Variants in DOCK4 observed in about 807,000 individuals in gnomAD.
DOCK4 encodes the protein dedicator of cytokinesis protein 4.
DOCK4 carries 97 observed loss-of-function variants against 268.1 expected under a neutral mutation model. That is an observed-to-expected ratio of 0.36 (90% CI 0.31 to 0.43). The LOEUF (loss-of-function observed/expected upper bound fraction) is 0.43. DOCK4 is among the 20% of genes least tolerant of loss of function. DOCK4 has a pLI of 1.00. For synonymous variants in DOCK4, 954 were observed against 887.2 expected, an observed-to-expected ratio of 1.08 and a Z score of -1.34; for missense variants, 2,145 against 2,455.7, an observed-to-expected ratio of 0.87 and a Z score of 2.67.
intron 36 of DOCK4, among the ~76,000 whole-genome samples, chr7:111,772,419 C>A (rs996213732): frequency 6.6e-6 from 1 of 151,784 alleles, no homozygotes; most frequent in Non-Finnish European, 1.5e-5. Flanking sequence ...AATGGTAGCA[C>A]GACAATGTGA....
At chr7:112,024,919 T>C (rs1000666009) in intron 1 of DOCK4, among the ~76,000 whole-genome samples, 2 of 152,190 alleles carry the variant, frequency 1.3e-5, no homozygotes, top group African/African-American at 4.8e-5. Context: ...CCTTTTATAT[T>C]CTAAGCTACA....
intron 1 of DOCK4, among the ~76,000 whole-genome samples, chr7:112,205,774 C>T (rs777811906): frequency 7.0e-6 from 1 of 143,484 alleles, no homozygotes; most frequent in Non-Finnish European, 1.5e-5. Flanking sequence ...TCCAACTTGA[C>T]ACACACACAC....
At chr7:112,035,738 T>G (rs1803694224) in intron 1 of DOCK4, among the ~76,000 whole-genome samples, 1 of 151,964 alleles carries the variant, frequency 6.6e-6, no homozygotes, top group South Asian at 2.1e-4. Flanking sequence ...CACAGAAGTG[T>G]TCATATTAAA....
At chr7:111,998,907 A>T (rs1445853992) in intron 3 of DOCK4, among the ~76,000 whole-genome samples, 1 of 152,070 alleles carries the variant, frequency 6.6e-6, no homozygotes, top group African/African-American at 2.4e-5. Flanking sequence ...TCCCCAAAAC[A>T]TTCATATTTC....
In DOCK4 at chr7:111,728,240, C is replaced by CAAAG. The variant is rs750597108; in HGVS notation, c.*30_*33dup. 3 of 1,422,988 alleles carry CAAAG rather than the reference C, an allele frequency of 2.1e-6. No homozygotes were observed. In the South Asian group the frequency reaches 5.3e-5, roughly 25 times the overall value. 88.1% of individuals were successfully genotyped at this position (1,422,988 alleles called of 1,614,324 possible). ...TCATACTTCTTATTTTGTAAACGGG[C>CAAAG]AAAGAATGCATCGCAGGTACATAGA... On this transcript the variant is annotated 3_prime_UTR_variant, in exon 53 of 53. Transcript: ENST00000428084.
At chr7:112,097,453 T>C (rs921091602) in intron 1 of DOCK4, among the ~76,000 whole-genome samples, 1 of 151,892 alleles carries the variant, frequency 6.6e-6, no homozygotes, top group African/African-American at 2.4e-5. Context: ...TGTGCACCTG[T>C]GCTACCAGCT....
At chr7:112,173,583 T>A (rs1330518697) in intron 1 of DOCK4, among the ~76,000 whole-genome samples, 1 of 152,136 alleles carries the variant, frequency 6.6e-6, no homozygotes, top group Non-Finnish European at 1.5e-5. Context: ...TGGGATCTAA[T>A]GTGGCTTTCC....
intron 1 of DOCK4, among the ~76,000 whole-genome samples, chr7:112,032,272 A>C (rs937585476): frequency 1.3e-5 from 2 of 152,232 alleles, no homozygotes; most frequent in African/African-American, 4.8e-5. Context: ...CAAACACAGA[A>C]ACTAAAAAAG....
At chr7:111,764,811 T>G (rs1043435718) in intron 39 of DOCK4, among the ~76,000 whole-genome samples, 10 of 151,920 alleles carry the variant, frequency 6.6e-5, no homozygotes, top group Admixed American at 5.9e-4. Context: ...GCCCCACCAT[T>G]TTTTTTCTAA....
chr7:112,060,493 C>T (rs940613360), intron 1 of DOCK4, among the ~76,000 whole-genome samples: 1 of 152,134 alleles, frequency 6.6e-6, no homozygotes, highest in Non-Finnish European at 1.5e-5. Flanking sequence ...AATTGAAAAT[C>T]GGGTCTCAAA....
intron 42 of DOCK4, among the ~76,000 whole-genome samples, chr7:111,747,839 C>G (rs978298976): frequency 1.3e-5 from 2 of 151,934 alleles, no homozygotes; most frequent in Non-Finnish European, 2.9e-5. Flanking sequence ...TACAAAGCAC[C>G]ATGGGAGATA....
At chr7:111,880,767 C>T (rs993199540) in intron 16 of DOCK4, among the ~76,000 whole-genome samples, 2 of 152,140 alleles carry the variant, frequency 1.3e-5, no homozygotes, top group African/African-American at 2.4e-5. Context: ...AGAAACAAAT[C>T]CACACACCTC....
intron 1 of DOCK4, among the ~76,000 whole-genome samples, chr7:112,058,466 A>C (rs1219827999): frequency 6.6e-6 from 1 of 152,220 alleles, no homozygotes; most frequent in Admixed American, 6.5e-5. Context: ...GTTTGATGAG[A>C]ATCTCTGATA....
intron 1 of DOCK4, among the ~76,000 whole-genome samples, chr7:112,044,896 ACT>A (rs1804703965): frequency 6.6e-6 from 1 of 151,722 alleles, no homozygotes; most frequent in African/African-American, 2.4e-5. Context: ...ACAGTTTCTA[ACT>A]CTTCCCAGCC....
chr7:111,912,783 C>T (rs180920888), intron 13 of DOCK4, among the ~76,000 whole-genome samples: 1 of 152,184 alleles, frequency 6.6e-6, no homozygotes, highest in East Asian at 1.9e-4. Flanking sequence ...CTGGTCATAG[C>T]CCTGTGTTCC....
intron 13 of DOCK4, among the ~76,000 whole-genome samples, chr7:111,911,501 C>T (rs898083409): frequency 6.6e-6 from 1 of 152,112 alleles, no homozygotes; most frequent in Non-Finnish European, 1.5e-5. Flanking sequence ...GAAGGAAGTG[C>T]TTTTAAAAAA....
In DOCK4 at chr7:111,988,527, T is replaced by C. The variant is rs144137873; in HGVS notation, c.464+488A>G. Among the ~76,000 whole-genome samples, 450 of 152,322 alleles carry C rather than the reference T, an allele frequency of 3.0e-3. 1 individual carries two copies. The highest frequency in any genetic ancestry group is 0.01 in the African/African-American group (428 of 41,562). On this transcript the variant is annotated intron_variant, in intron 6 of 52. Transcript: ENST00000428084. ...CTCCTCAAAGTAGCTAATGTGTATG[T>C]ACAGGACTAATCACAGCAATAATAA... is the stretch of plus-strand genomic sequence containing the variant.
At chr7:112,201,703 G>C in intron 1 of DOCK4, among the ~76,000 whole-genome samples, 1 of 152,158 alleles carries the variant, frequency 6.6e-6, no homozygotes. Flanking sequence ...GGACATGCAG[G>C]AGGTAGAGGT....
At chr7:111,823,358 C>T (rs1167612421) in intron 26 of DOCK4, among the ~76,000 whole-genome samples, 1 of 151,862 alleles carries the variant, frequency 6.6e-6, no homozygotes, top group Non-Finnish European at 1.5e-5. Flanking sequence ...AGGCGCCTGC[C>T]ACCACGTCCA....
Sources: allele counts gnomAD v4.1 joint callset (sites outside exome capture counted in the v4.1 genomes callset), GRCh38; gene constraint gnomAD v4.1.1; transcripts MANE v1.5; gene names NCBI Gene and HGNC (gene_info 2026-07-23, HGNC 2026-07-21).